The following ZNHIT6 variants were observed in gnomAD, a reference collection of about 807,000 sequenced individuals.
The protein encoded by ZNHIT6 is box C/D snoRNA protein 1.
Under a neutral mutation model 57.2 loss-of-function variants are expected in ZNHIT6, and 45 were observed. The observed-to-expected ratio is 0.79, with a 90% CI of 0.62 to 1.01. ZNHIT6 has a LOEUF of 1.01. ZNHIT6 is among the 50% of genes least tolerant of loss of function. The pLI is 0.00. For synonymous variants in ZNHIT6, 188 were observed against 190.0 expected (o/e 0.99, Z 0.09); for missense variants, 528 against 567.3 (o/e 0.93, Z 0.70).
At chr1:85,702,042 A>T in intron 5 of ZNHIT6, 115 bp downstream of exon 5, 1 of 672,620 alleles carries the variant, frequency 1.5e-6, no homozygotes, top group South Asian at 2.1e-5. Context: ...ATGGACCAAT[A>T]ACAAACAGTT....
chr1:85,670,926 G>T (rs986717651), intron 8 of ZNHIT6, among the ~76,000 whole-genome samples: 2 of 152,154 alleles, frequency 1.3e-5, no homozygotes, highest in East Asian at 3.8e-4. Flanking sequence ...AACATTTGTT[G>T]ACTGCTTACT....
rs928215024 is a variant in ZNHIT6 at position 85,652,619 on chromosome 1, T to C, written c.*1439A>G. ...CAGTTTCTACCCCAAGTTATACTTG[T>C]GTCCCACAAATTTATCTTCTGCTCA... On this transcript the variant is annotated 3_prime_UTR_variant, in exon 10 of 10. Coordinates refer to ENST00000370574, the MANE Select transcript of ZNHIT6 (RefSeq NM_017953.4). The C allele has an allele frequency of 6.6e-6, 1 of 152,232 alleles. No individual in the cohort carries two copies. Among genetic ancestry groups the C allele is most frequent in the African/African-American group, 2.4e-5 (1 of 41,468 alleles). The allele number at this position is 152,232 out of a possible 1,614,324, so 9.4% of individuals were successfully genotyped here.
chr1:85,674,210 CA>C (rs1247446476), intron 8 of ZNHIT6, among the ~76,000 whole-genome samples: 1 of 152,068 alleles, frequency 6.6e-6, no homozygotes, highest in Non-Finnish European at 1.5e-5. Context: ...GAGTCAATAG[CA>C]AAAATGGGGG....
chr1:85,693,939 C>G (rs1662287784), intron 5 of ZNHIT6, among the ~76,000 whole-genome samples: 1 of 152,004 alleles, frequency 6.6e-6, no homozygotes, highest in Admixed American at 6.6e-5. Flanking sequence ...GGCAACACAG[C>G]AAGATGCTGA....
At position 85,652,036 on chromosome 1, in the gene ZNHIT6, T is replaced by C. The variant is rs1660924508; in HGVS notation, c.*2022A>G. ...CTAATAGAATTCTAGAAAATAAAGA[T>C]GGCAAAGATGCATTAGATAATATAG... On this transcript the variant is annotated 3_prime_UTR_variant, in exon 10 of 10. Transcript: ENST00000370574. 1 of 152,218 alleles carries C rather than the reference T, an allele frequency of 6.6e-6. No homozygotes were observed. 9.4% of individuals were successfully genotyped at this position (152,218 alleles called of 1,614,324 possible). A position where few individuals can be genotyped will look rare whatever the true frequency, so the allele number is the denominator to read the frequency against.
chr1:85,664,302 A>G (rs1253189809), intron 8 of ZNHIT6, among the ~76,000 whole-genome samples: 2 of 151,976 alleles, frequency 1.3e-5, no homozygotes, highest in South Asian at 2.1e-4. Context: ...CCCATCTTCA[A>G]TTTCTGAGAT....
chr1:85,681,403 G>C (rs1661869339), intron 5 of ZNHIT6, among the ~76,000 whole-genome samples: 2 of 152,104 alleles, frequency 1.3e-5, no homozygotes, highest in Admixed American at 6.6e-5. Context: ...CTAAACTTTG[G>C]TTTGACATAG....
chr1:85,678,287 T>C (rs1661763473), intron 7 of ZNHIT6, among the ~76,000 whole-genome samples: 1 of 152,158 alleles, frequency 6.6e-6, no homozygotes, highest in African/African-American at 2.4e-5. Context: ...TTCAGAGTTT[T>C]TCGTTCAACC....
chr1:85,696,899 C>CTGGAG (rs987199502), intron 5 of ZNHIT6, among the ~76,000 whole-genome samples: 11 of 138,340 alleles, frequency 8.0e-5, no homozygotes, highest in Non-Finnish European at 1.2e-4. Context: ...GTCTCCCTGG[C>CTGGAG]TGGAGTGCTG....
chr1:85,702,861 C>A (rs1357148491), intron 4 of ZNHIT6, among the ~76,000 whole-genome samples: 1 of 152,114 alleles, frequency 6.6e-6, no homozygotes, highest in Non-Finnish European at 1.5e-5. Context: ...CTAAACTGGG[C>A]AATTCCAGAG....
At chr1:85,694,528 C>A (rs961708011) in intron 5 of ZNHIT6, among the ~76,000 whole-genome samples, 5 of 151,452 alleles carry the variant, frequency 3.3e-5, no homozygotes, top group African/African-American at 1.2e-4. Flanking sequence ...GTTGCACAAT[C>A]TTGGCTCACT....
In ZNHIT6 at chr1:85,652,772, C is replaced by T. The variant is rs141444182; in HGVS notation, c.*1286G>A. On this transcript the variant is annotated 3_prime_UTR_variant, in exon 10 of 10. Transcript: ENST00000370574. The stretch of plus-strand genomic sequence containing the variant: ...CAATTTCATTAATGTCCAGTTTTAT[C>T]ATTGCTTTTTAACCATTAAGTACAC... 3.9e-5 allele frequency: 6 copies of T among 152,256 alleles called. No homozygotes were observed. The highest frequency in any genetic ancestry group is 1.4e-4 in the African/African-American group (6 of 41,554). 9.4% of individuals were successfully genotyped at this position (152,256 alleles called of 1,614,324 possible). A position where few individuals can be genotyped will look rare whatever the true frequency, so the allele number is the denominator to read the frequency against.
chr1:85,659,550 G>A (rs983574706), intron 8 of ZNHIT6, among the ~76,000 whole-genome samples: 1 of 152,174 alleles, frequency 6.6e-6, no homozygotes. Flanking sequence ...GAACACAAGT[G>A]ATCAAGAGTG....
chr1:85,703,406 T>C (rs1045191144), intron 4 of ZNHIT6, among the ~76,000 whole-genome samples: 3 of 152,018 alleles, frequency 2.0e-5, no homozygotes, highest in Admixed American at 2.0e-4. Flanking sequence ...AAAACCACAA[T>C]AATTCAGAGA....
In ZNHIT6 at chr1:85,653,840, G is replaced by A; in HGVS notation, c.*218C>T. ...GCCTAATAAGTACTATGCTGATCAA[G>A]TGCAAAGGAGAGTTCTTAATATGAA... On this transcript the variant is annotated 3_prime_UTR_variant, in exon 10 of 10. Coordinates refer to ENST00000370574, the MANE Select transcript of ZNHIT6 (RefSeq NM_017953.4). 1.9e-6 allele frequency: 1 copy of A among 531,574 alleles called. No homozygotes were observed. Among genetic ancestry groups the A allele is most frequent in the Non-Finnish European group, 3.3e-6 (1 of 302,968 alleles). 32.9% of individuals were successfully genotyped at this position (531,574 alleles called of 1,614,324 possible). A position where few individuals can be genotyped will look rare whatever the true frequency, so the allele number is the denominator to read the frequency against.
chr1:85,687,646 G>A (rs970127725), intron 5 of ZNHIT6, among the ~76,000 whole-genome samples: 1 of 152,080 alleles, frequency 6.6e-6, no homozygotes, highest in African/African-American at 2.4e-5. Flanking sequence ...TTTAGCCCTT[G>A]TTTATAGTTA....
intron 4 of ZNHIT6, among the ~76,000 whole-genome samples, chr1:85,702,509 A>T (rs1395517696): frequency 3.3e-5 from 5 of 152,206 alleles, no homozygotes; most frequent in Non-Finnish European, 1.5e-5. Context: ...CCTGTATTCA[A>T]ACCCTGGTCT....
intron 8 of ZNHIT6, among the ~76,000 whole-genome samples, chr1:85,664,126 G>A (rs1051282832): frequency 6.6e-6 from 1 of 152,152 alleles, no homozygotes; most frequent in Non-Finnish European, 1.5e-5. Context: ...TTTCATGGAC[G>A]ATATCTTAAA....
At chr1:85,705,299 G>A (rs138542327) in intron 4 of ZNHIT6, among the ~76,000 whole-genome samples, 2 of 152,040 alleles carry the variant, frequency 1.3e-5, no homozygotes, top group Non-Finnish European at 2.9e-5. Flanking sequence ...CTGCAGCCTT[G>A]ACCTTCCTGG....
Sources: allele counts gnomAD v4.1 joint callset (sites outside exome capture counted in the v4.1 genomes callset), GRCh38; gene constraint gnomAD v4.1.1; transcripts MANE v1.5; gene names NCBI Gene and HGNC (gene_info 2026-07-23, HGNC 2026-07-21).